Variants in MACF1 observed in about 807,000 individuals in gnomAD.
MACF1 encodes the protein microtubule actin crosslinking factor 1, also known as microtubule-actin cross-linking factor 1.
In MACF1, 193 loss-of-function variants were observed where a neutral mutation model predicts 854.8. That is an observed-to-expected ratio of 0.23 (90% CI 0.20 to 0.25). The LOEUF is 0.25. MACF1 is among the 10% of genes least tolerant of loss of function. The probability of loss-of-function intolerance (pLI) is 1.00; values close to 1 mark genes in which losing one functional copy is unlikely to be tolerated. For synonymous variants in MACF1, 3,185 were observed against 3,226.7 expected, an observed-to-expected ratio of 0.99 and a Z score of 0.44; for missense variants, 7,722 against 8,929.1, an observed-to-expected ratio of 0.86 and a Z score of 5.45.
At chr1:39,452,106 G>T in intron 85 of MACF1, 50 bp from the exon 86 acceptor site, 3 of 1,436,008 alleles carry the variant, frequency 2.1e-6, no homozygotes, top group Non-Finnish European at 2.8e-6. Flanking sequence ...GTGGTTTCTT[G>T]GACTCAAAAC....
At chr1:39,128,946 T>C (rs763003214) in intron 2 of MACF1, among the ~76,000 whole-genome samples, 37 of 152,212 alleles carry the variant, frequency 2.4e-4, no homozygotes, top group Non-Finnish European at 3.2e-4. Flanking sequence ...ATTTAACTTA[T>C]CACACATTTG....
intron 47 of MACF1, among the ~76,000 whole-genome samples, chr1:39,359,606 C>T (rs574858291): frequency 3.3e-5 from 5 of 152,104 alleles, no homozygotes; most frequent in South Asian, 4.2e-4. Flanking sequence ...GCTTACCAAG[C>T]GTGGTGAAAT....
At chr1:39,439,093 A>C (rs1192158585) in intron 71 of MACF1, among the ~76,000 whole-genome samples, 181 bp from the exon 72 acceptor site, 1 of 152,022 alleles carries the variant, frequency 6.6e-6, no homozygotes, top group Non-Finnish European at 1.5e-5. Flanking sequence ...CCAAAAAAAA[A>C]AAAAAGAAAA....
upstream of MACF1, among the ~76,000 whole-genome samples, chr1:39,202,412 G>A (rs1644402360): frequency 6.6e-6 from 1 of 151,514 alleles, no homozygotes; most frequent in Non-Finnish European, 1.5e-5. Flanking sequence ...CAAGGCAGTT[G>A]GATCACGAGG....
At position 39,388,140 on chromosome 1, in the gene MACF1, T is replaced by A. The variant is rs752573513; in HGVS notation, c.15298T>A (p.Phe5100Ile). The A allele has an allele frequency of 1.9e-6, 3 of 1,613,854 alleles. No individual in the cohort carries two copies. In the African/African-American group the frequency reaches 4.0e-5, roughly 22 times the overall value. ...CCAAGCTGAGGTCGCCCAGCAAGAG[T>A]TCCTCGAAGTTAAGCAAAGAGTGAA... ...LHQAEVAQQE[F>I]LEVKQRVNSG... The change falls in exon 58 of 101, where the codon TTC becomes ATC. Residue 5100 changes from phenylalanine (F) to isoleucine (I), a missense_variant. Physicochemically the swap from Phe to Ile is conservative, Grantham distance 21 (BLOSUM62 0). Around this residue, in one of 15 missense-constraint regions of MACF1, gnomAD observed 2,807 missense variants for 3,235.8 expected, o/e 0.87. Coordinates refer to ENST00000564288, the MANE Select transcript of MACF1 (RefSeq NM_001394062.1).
chr1:39,439,157 G>A (rs866429549), intron 71 of MACF1, 117 bp from the exon 72 acceptor site: 8 of 560,770 alleles, frequency 1.4e-5, no homozygotes, highest in South Asian at 2.8e-5. Flanking sequence ...TAAATGCTTA[G>A]CATTTTTTTA....
intron 61 of MACF1, among the ~76,000 whole-genome samples, chr1:39,424,819 G>A (rs932311476): frequency 1.7e-4 from 26 of 152,158 alleles, no homozygotes; most frequent in African/African-American, 5.8e-4. Context: ...ACAGTCCTCA[G>A]TTTTAAAATT....
intron 35 of MACF1, among the ~76,000 whole-genome samples, chr1:39,325,544 A>T (rs1294579615): frequency 1.3e-5 from 2 of 152,360 alleles, no homozygotes; most frequent in East Asian, 3.9e-4. Flanking sequence ...TAAAAGATAC[A>T]ATGGACTTAA....
chr1:39,288,501 A>G (rs1031808946), intron 15 of MACF1, among the ~76,000 whole-genome samples: 1 of 151,330 alleles, frequency 6.6e-6, no homozygotes, highest in African/African-American at 2.4e-5. Context: ...CCATCTAAAA[A>G]AAAAAAAAAA....
intron 15 of MACF1, among the ~76,000 whole-genome samples, chr1:39,291,445 C>T (rs1223436561): frequency 2.0e-5 from 3 of 152,142 alleles, no homozygotes; most frequent in African/African-American, 7.2e-5. Flanking sequence ...CCCCATGTAA[C>T]AATAAATAAA....
At chr1:39,155,420 T>A (rs1285455590) in intron 2 of MACF1, among the ~76,000 whole-genome samples, 1 of 152,184 alleles carries the variant, frequency 6.6e-6, no homozygotes, top group East Asian at 1.9e-4. Context: ...AGTCTCTGAA[T>A]AGACTTTAAA....
Position 39,335,782 on chromosome 1 carries a change from G to A in MACF1, c.9194G>A (p.Ser3065Asn), listed in dbSNP as rs1646800422. Reference protein sequence around the residue: ...VKHLDALTLFSSKQANEGKVN... With the variant: ...VKHLDALTLFNSKQANEGKVN... ...CATTTAGATGCTTTAACACTCTTCAGCTCTAAACAGGCCAATGAAGGAAAA... is the reference window on the plus strand; with the variant it reads ...CATTTAGATGCTTTAACACTCTTCAACTCTAAACAGGCCAATGAAGGAAAA... Residue 3065 changes from serine to asparagine, a missense_variant, in exon 37 of 101, where the codon AGC (serine) becomes AAC (asparagine). Transcript: ENST00000564288. 9.3e-6 allele frequency: 15 copies of A among 1,614,164 alleles called. No individual in the cohort carries two copies. The highest frequency in any genetic ancestry group is 1.2e-5 in the Non-Finnish European group (14 of 1,180,018).
chr1:39,461,854 T>A (rs1397911902), intron 92 of MACF1, 29 bp from the exon 93 acceptor site: 1 of 1,553,596 alleles, frequency 6.4e-7, no homozygotes, highest in African/African-American at 1.4e-5. Flanking sequence ...CCCCTCTTAA[T>A]GTTTCAAAAT....
intron 58 of MACF1, chr1:39,411,801 G>A: frequency 6.2e-7 from 1 of 1,613,492 alleles, no homozygotes. Flanking sequence ...ATTTTTCAGG[G>A]GCTGCCTTAG....
At position 39,441,253 on chromosome 1, in the gene MACF1, A is replaced by G; in HGVS notation, c.18600A>G (p.Lys6200=). The G allele has an allele frequency of 6.2e-7, 1 of 1,614,204 alleles. No individual in the cohort carries two copies. Among genetic ancestry groups the G allele is most frequent in the South Asian group, 1.1e-5 (1 of 91,080 alleles). Residue 6200 remains lysine (K), a synonymous_variant, in exon 74 of 101, where the codon AAA becomes AAG. Coordinates refer to ENST00000564288, the MANE Select transcript of MACF1 (RefSeq NM_001394062.1). Reference sequence around the variant, plus strand: ...ATAATGCTTGGGAGAACTTAAACAAAACATGGAAAGAGAGGCTAGAAAAAC... The same window carrying G: ...ATAATGCTTGGGAGAACTTAAACAAGACATGGAAAGAGAGGCTAGAAAAAC... ...EMNNAWENLN[K]TWKERLEKLE...
chr1:39,292,168 T>G, intron 16 of MACF1, 130 bp downstream of exon 16: 2 of 1,046,342 alleles, frequency 1.9e-6, no homozygotes, highest in Non-Finnish European at 2.7e-6. Flanking sequence ...GAAGAGCGGT[T>G]TATGACAAAT....
At chr1:39,180,915 C>A (rs955864076) in intron 2 of MACF1, among the ~76,000 whole-genome samples, 2 of 151,146 alleles carry the variant, frequency 1.3e-5, no homozygotes, top group Non-Finnish European at 3.0e-5. Context: ...TAATCAATAT[C>A]TTTTTTTTTG....
In MACF1 at chr1:39,258,154, G is replaced by T. The variant is rs866566123; in HGVS notation, c.528+126G>T. 9.7e-5 allele frequency: 76 copies of T among 779,836 alleles called. 1 individual carries two copies. The South Asian group carries it at 1.1e-3, about 11-fold the overall frequency. 48.3% of individuals were successfully genotyped at this position (779,836 alleles called of 1,614,324 possible). On this transcript the variant is annotated intron_variant, in intron 6 of 100. Transcript: ENST00000564288. ...TTTGTCAGTGAACAAAGGTGGATGG[G>T]AGTTGGAAAGGAAAATTAAGATTGA... is the stretch of plus-strand genomic sequence containing the variant.
intron 65 of MACF1, 84 bp from the exon 66 acceptor site, chr1:39,430,618 T>C: frequency 1.9e-6 from 2 of 1,035,776 alleles, no homozygotes; most frequent in East Asian, 5.0e-5. Context: ...GGATGTGTGG[T>C]AGAGATAGCA....
Sources: allele counts gnomAD v4.1 joint callset (sites outside exome capture counted in the v4.1 genomes callset), GRCh38; gene constraint gnomAD v4.1.1; regional missense constraint gnomAD v4.1.1; transcripts MANE v1.5; gene names NCBI Gene and HGNC (gene_info 2026-07-23, HGNC 2026-07-21).